Variants in AOPEP observed in about 807,000 individuals in gnomAD.
AOPEP encodes the protein aminopeptidase O (putative).
AOPEP carries 77 observed loss-of-function variants against 98.1 expected under a neutral mutation model. The observed-to-expected ratio is 0.78, with a 90% CI of 0.65 to 0.95. The LOEUF is 0.95. Among genes scored for constraint, AOPEP ranks in the 40% least tolerant of loss-of-function variants. The probability of loss-of-function intolerance (pLI) is 0.00; values close to 1 mark genes in which losing one functional copy is unlikely to be tolerated. For synonymous variants in AOPEP, 346 were observed against 365.3 expected, an observed-to-expected ratio of 0.95 and a Z score of 0.60; for missense variants, 1,024 against 1,024.7, an observed-to-expected ratio of 1.00 and a Z score of 0.01.
chr9:94,865,864 C>T (rs941390136), intron 5 of AOPEP, among the ~76,000 whole-genome samples: 3 of 152,068 alleles, frequency 2.0e-5, no homozygotes, highest in Admixed American at 6.6e-5. Context: ...CATTTCCAAC[C>T]GCAAATTATA....
chr9:95,106,836 G>T, the AOPEP span, among the ~76,000 whole-genome samples: 26 of 152,294 alleles, frequency 1.7e-4, no homozygotes, highest in South Asian at 6.2e-4. Flanking sequence ...GTGGGCCCAG[G>T]AGATGGCATC....
intron 5 of AOPEP, among the ~76,000 whole-genome samples, chr9:94,867,393 C>G (rs1342610819): frequency 6.6e-6 from 1 of 152,174 alleles, no homozygotes; most frequent in Non-Finnish European, 1.5e-5. Flanking sequence ...GTAACAGTTT[C>G]CCTGGCCTGT....
chr9:95,095,691 G>T, the AOPEP span, among the ~76,000 whole-genome samples: 2 of 152,098 alleles, frequency 1.3e-5, no homozygotes, highest in African/African-American at 4.8e-5. Context: ...GGGTCCCCAC[G>T]GCCTGGCCTG....
the AOPEP span, among the ~76,000 whole-genome samples, chr9:95,119,468 C>T: frequency 1.9e-4 from 28 of 150,462 alleles, no homozygotes; most frequent in Middle Eastern, 3.5e-3. Flanking sequence ...CAGGTTCAAG[C>T]GATTCTCCTG....
chr9:95,130,285 T>TGC, the AOPEP span, among the ~76,000 whole-genome samples: 2 of 145,830 alleles, frequency 1.4e-5, no homozygotes, highest in East Asian at 3.9e-4. Context: ...GCTGATTCTG[T>TGC]GTGTGTGTGT....
chr9:95,132,402 T>C, the AOPEP span, among the ~76,000 whole-genome samples: 4 of 152,358 alleles, frequency 2.6e-5, no homozygotes, highest in Non-Finnish European at 5.9e-5. Flanking sequence ...AATTAACAAG[T>C]GGCTTTCACT....
At chr9:95,122,104 T>C in the AOPEP span, among the ~76,000 whole-genome samples, 9 of 152,066 alleles carry the variant, frequency 5.9e-5, no homozygotes, top group Non-Finnish European at 1.3e-4. Context: ...GTGATCTGCC[T>C]GCCTCGACCT....
chr9:95,063,140 C>T (rs2067477911), intron 14 of AOPEP, among the ~76,000 whole-genome samples: 1 of 152,084 alleles, frequency 6.6e-6, no homozygotes, highest in Non-Finnish European at 1.5e-5. Flanking sequence ...GAAGGGAAAT[C>T]CGTTCCACAG....
In AOPEP at chr9:94,800,936, C is replaced by T; in HGVS notation, c.1298C>T (p.Ala433Val). ...CLSAAHSVLG[A>V]HPFSRLDVLI... ...TCAGCAGCACATTCTGTTCTGGGAG[C>T]ACACCCGTTCTCTCGGCTGGATGTT... is the stretch of plus-strand genomic sequence containing the variant. The change falls in exon 5 of 17, where the codon GCA (alanine) becomes GTA (valine). Residue 433 changes from alanine (A) to valine (V), a missense_variant. Ala to Val is a moderately conservative substitution (Grantham distance 64). This residue lies in a region of AOPEP where 566 missense variants were observed against 551.7 expected (regional missense o/e 1.03). Transcript: ENST00000375315. 6.2e-7 allele frequency: 1 copy of T among 1,614,174 alleles called. No individual in the cohort carries two copies. Among genetic ancestry groups the T allele is most frequent in the Non-Finnish European group, 8.5e-7 (1 of 1,180,020 alleles).
At chr9:94,988,969 C>T (rs1353558982) in intron 11 of AOPEP, among the ~76,000 whole-genome samples, 6 of 150,482 alleles carry the variant, frequency 4.0e-5, no homozygotes, top group Non-Finnish European at 5.9e-5. Context: ...AGTGCAGTGG[C>T]GCAATCTTGA....
chr9:95,105,462 A>T, the AOPEP span, among the ~76,000 whole-genome samples: 1 of 152,232 alleles, frequency 6.6e-6, no homozygotes, highest in African/African-American at 2.4e-5. Flanking sequence ...AAATAAAACA[A>T]AACTCCCAGA....
intron 16 of AOPEP, chr9:95,085,187 A>C: frequency 2.1e-6 from 1 of 474,246 alleles, no homozygotes; most frequent in South Asian, 1.5e-5. Context: ...GTGTGTGCAG[A>C]CAGCACGGGG....
intron 1 of AOPEP, among the ~76,000 whole-genome samples, chr9:94,752,684 T>C (rs1836101638): frequency 6.6e-6 from 1 of 152,198 alleles, no homozygotes; most frequent in Non-Finnish European, 1.5e-5. Flanking sequence ...TTGTGGCAGA[T>C]TGTATTTTCC....
At chr9:94,948,644 C>T (rs942159870) in intron 7 of AOPEP, among the ~76,000 whole-genome samples, 2 of 152,284 alleles carry the variant, frequency 1.3e-5, no homozygotes, top group Admixed American at 1.3e-4. Context: ...GCCTGTCCCT[C>T]ACCTGGACTT....
intron 9 of AOPEP, among the ~76,000 whole-genome samples, chr9:94,957,220 GT>G (rs1038417511): frequency 1.5e-4 from 23 of 152,046 alleles, no homozygotes; most frequent in African/African-American, 5.5e-4. Context: ...TTGTTTTTTT[GT>G]TGTTGGAGAC....
chr9:94,813,067 A>G (rs1207150960), intron 5 of AOPEP, among the ~76,000 whole-genome samples: 1 of 152,118 alleles, frequency 6.6e-6, no homozygotes, highest in Non-Finnish European at 1.5e-5. Flanking sequence ...TTTATTAGGA[A>G]TTCTCGTGGG....
At chr9:94,906,737 C>G (rs1276882100) in intron 5 of AOPEP, among the ~76,000 whole-genome samples, 2 of 152,172 alleles carry the variant, frequency 1.3e-5, no homozygotes, top group Non-Finnish European at 2.9e-5. Flanking sequence ...CCTAAGGACC[C>G]CAGTCCACAT....
intron 5 of AOPEP, among the ~76,000 whole-genome samples, chr9:94,846,779 G>A (rs193278441): frequency 6.6e-6 from 1 of 152,288 alleles, no homozygotes; most frequent in Admixed American, 6.5e-5. Context: ...CGATGGTGGT[G>A]TGTACATGTG....
At chr9:95,034,979 C>CT (rs34875677) in intron 13 of AOPEP, among the ~76,000 whole-genome samples, 117 of 144,648 alleles carry the variant, frequency 8.1e-4, no homozygotes, top group African/African-American at 2.5e-3. Context: ...TTTCTTTTTT[C>CT]TTTTTTTTTT....
Sources: allele counts gnomAD v4.1 joint callset (sites outside exome capture counted in the v4.1 genomes callset), GRCh38; gene constraint gnomAD v4.1.1; regional missense constraint gnomAD v4.1.1; transcripts MANE v1.5; gene names NCBI Gene and HGNC (gene_info 2026-07-23, HGNC 2026-07-21).